CSMD1: variants seen among roughly 807,000 people sequenced by gnomAD.
CSMD1 encodes the protein CUB and sushi domain-containing protein 1.
CSMD1 carries 213 observed loss-of-function variants against 417.5 expected under a neutral mutation model. The ratio of observed to expected loss-of-function variants is 0.51; its 90% CI spans 0.46 to 0.57. The LOEUF (loss-of-function observed/expected upper bound fraction) is 0.57. CSMD1 is among the 20% of genes least tolerant of loss of function. The pLI, the probability that CSMD1 is intolerant of heterozygous loss-of-function variation, is 0.00. For synonymous variants in CSMD1, 2,862 were observed against 1,736.8 expected, an observed-to-expected ratio of 1.65 and a Z score of -16.11; for missense variants, 6,923 against 4,529.7, an observed-to-expected ratio of 1.53 and a Z score of -15.17.
chr8:4,640,801 T>C (rs536692654), intron 1 of CSMD1, among the ~76,000 whole-genome samples: 6 of 151,238 alleles, frequency 4.0e-5, no homozygotes, highest in Admixed American at 6.6e-5. Flanking sequence ...TCTGTGATAA[T>C]TGTAATGTTT....
chr8:4,934,203 C>A (rs1807447909), intron 1 of CSMD1, among the ~76,000 whole-genome samples: 1 of 152,100 alleles, frequency 6.6e-6, no homozygotes, highest in African/African-American at 2.4e-5. Context: ...AGCTCAGAAG[C>A]AAAGCTCCTC....
At chr8:3,849,150 G>A (rs544498485) in intron 5 of CSMD1, among the ~76,000 whole-genome samples, 2 of 152,224 alleles carry the variant, frequency 1.3e-5, no homozygotes, top group South Asian at 2.1e-4. Context: ...ATGATAAATG[G>A]AGGTGTCTTA....
At chr8:3,059,928 TAGC>T (rs2128993086) in intron 49 of CSMD1, among the ~76,000 whole-genome samples, 1 of 152,230 alleles carries the variant, frequency 6.6e-6, no homozygotes, top group East Asian at 1.9e-4. Context: ...AGTTTTATCT[TAGC>T]AGTGGGATCG....
chr8:4,139,185 C>G (rs374064597), intron 3 of CSMD1, among the ~76,000 whole-genome samples: 44,994 of 151,964 alleles, frequency 0.3, 8,088 homozygotes, highest in Non-Finnish European at 0.39. Context: ...TAAACTGTTT[C>G]AGTTTCAGTA....
chr8:4,316,251 T>A (rs962225916), intron 3 of CSMD1, among the ~76,000 whole-genome samples: 2 of 152,314 alleles, frequency 1.3e-5, no homozygotes, highest in East Asian at 3.9e-4. Context: ...TGTAGTGATT[T>A]TTCATCCTCG....
chr8:4,396,291 A>T (rs983876908), intron 3 of CSMD1, among the ~76,000 whole-genome samples: 33 of 142,200 alleles, frequency 2.3e-4, no homozygotes, highest in Non-Finnish European at 4.6e-4. Flanking sequence ...GTGAGACATC[A>T]TCTCTTAAAA....
intron 25 of CSMD1, among the ~76,000 whole-genome samples, chr8:3,307,080 TTAA>T: frequency 1.3e-5 from 2 of 152,200 alleles, no homozygotes; most frequent in Non-Finnish European, 1.5e-5. Context: ...ACAAGTCTTT[TTAA>T]AATATGACTT....
intron 26 of CSMD1, among the ~76,000 whole-genome samples, chr8:3,252,272 G>C (rs527768096): frequency 6.6e-6 from 1 of 152,278 alleles, no homozygotes; most frequent in South Asian, 2.1e-4. Context: ...TTAGAATGAA[G>C]GGCTGTTGAA....
intron 25 of CSMD1, among the ~76,000 whole-genome samples, chr8:3,294,835 A>C (rs1459246191): frequency 6.6e-6 from 1 of 151,798 alleles, no homozygotes; most frequent in Non-Finnish European, 1.5e-5. Context: ...ATTGTCCTGC[A>C]CCCACTTTCC....
At chr8:3,311,015 A>T (rs1364922956) in intron 23 of CSMD1, among the ~76,000 whole-genome samples, 3 of 152,068 alleles carry the variant, frequency 2.0e-5, no homozygotes, top group Non-Finnish European at 4.4e-5. Context: ...CAGGCTGCTC[A>T]ACTTAACAAA....
chr8:3,235,953 T>C (rs1799129676), intron 26 of CSMD1, among the ~76,000 whole-genome samples: 1 of 143,178 alleles, frequency 7.0e-6, no homozygotes, highest in Non-Finnish European at 1.5e-5. Context: ...AGTCTTGATC[T>C]GTCGCCCAGG....
intron 1 of CSMD1, among the ~76,000 whole-genome samples, chr8:4,818,106 A>C (rs532024314): frequency 6.6e-6 from 1 of 152,312 alleles, no homozygotes; most frequent in South Asian, 2.1e-4. Context: ...CATGTAATAC[A>C]GAACTAAAAG....
At chr8:3,435,003 A>T (rs1312006205) in intron 12 of CSMD1, among the ~76,000 whole-genome samples, 1 of 152,172 alleles carries the variant, frequency 6.6e-6, no homozygotes, top group Non-Finnish European at 1.5e-5. Context: ...CAGACAGGAC[A>T]GGGAGCTGGT....
intron 4 of CSMD1, among the ~76,000 whole-genome samples, chr8:3,999,450 G>A (rs949166944): frequency 6.6e-6 from 1 of 152,148 alleles, no homozygotes; most frequent in East Asian, 1.9e-4. Flanking sequence ...TTTCAGCGAT[G>A]TTCGTTTTAT....
chr8:4,588,769 G>T (rs1799837621), intron 2 of CSMD1, among the ~76,000 whole-genome samples: 1 of 104,094 alleles, frequency 9.6e-6, no homozygotes. Context: ...TGGCGACAGA[G>T]CAAGACTCCG....
At chr8:3,779,556 AT>A (rs979439225) in intron 5 of CSMD1, among the ~76,000 whole-genome samples, 1 of 152,246 alleles carries the variant, frequency 6.6e-6, no homozygotes, top group Non-Finnish European at 1.5e-5. Flanking sequence ...TTAGCAGTGA[AT>A]TATGCTCAAA....
chr8:3,321,049 C>T (rs1806122235), intron 23 of CSMD1, among the ~76,000 whole-genome samples: 1 of 152,184 alleles, frequency 6.6e-6, no homozygotes, highest in Non-Finnish European at 1.5e-5. Context: ...ATCTGAAAGA[C>T]ACGCAACTCT....
intron 3 of CSMD1, among the ~76,000 whole-genome samples, chr8:4,309,994 G>C (rs186165814): frequency 6.6e-6 from 1 of 152,240 alleles, no homozygotes; most frequent in African/African-American, 2.4e-5. Flanking sequence ...ACCAGACTAA[G>C]GAGTTTGGAA....
At chr8:3,726,094 C>T (rs372723616) in intron 6 of CSMD1, among the ~76,000 whole-genome samples, 3 of 152,124 alleles carry the variant, frequency 2.0e-5, no homozygotes, top group Admixed American at 6.5e-5. Context: ...AAGCAGCCAC[C>T]GGGAATGCCA....
Sources: gnomAD v4.1 joint callset for allele counts (sites outside exome capture counted in the v4.1 genomes callset) on GRCh38, gnomAD v4.1.1 for gene constraint, MANE v1.5 for transcripts, NCBI Gene and HGNC (gene_info 2026-07-23, HGNC 2026-07-21) for gene names.